Variants in CLEC18B observed in about 807,000 individuals in gnomAD.
The protein encoded by CLEC18B is C-type lectin domain family 18 member B.
A neutral mutation model predicts 60.4 loss-of-function variants in CLEC18B; 5 were observed. That is an observed-to-expected ratio of 0.08 (90% confidence interval 0.04 to 0.17). CLEC18B has a LOEUF of 0.17. Among genes scored for constraint, CLEC18B ranks in the 10% least tolerant of loss-of-function variants. CLEC18B has a pLI of 1.00. For synonymous variants in CLEC18B, 16 were observed against 221.2 expected, an observed-to-expected ratio of 0.07 and a Z score of 8.23; for missense variants, 26 against 572.8, an observed-to-expected ratio of 0.05 and a Z score of 9.74.
chr16:74,423,223 G>T (rs1347442797), upstream of CLEC18B, among the ~76,000 whole-genome samples: 2 of 150,364 alleles, frequency 1.3e-5, no homozygotes, highest in African/African-American at 4.9e-5. Flanking sequence ...CCACAGCTCT[G>T]CTATGCCGGG....
Position 74,421,366 on chromosome 16 carries a change from G to A in CLEC18B, c.-96C>T. On this transcript the variant is annotated 5_prime_UTR_variant, in exon 1 of 12. Transcript: ENST00000682950. ...ATGGAGCTATTCACAATCTCCAGGAGTCAGGCTGGGCTGGTGGACAAAAGA... is the reference window on the plus strand; with the variant it reads ...ATGGAGCTATTCACAATCTCCAGGAATCAGGCTGGGCTGGTGGACAAAAGA... 6.2e-7 allele frequency: 1 copy of A among 1,604,476 alleles called. No individual in the cohort carries two copies. Among genetic ancestry groups the A allele is most frequent in the Non-Finnish European group, 8.5e-7 (1 of 1,176,858 alleles).
rs533995991 is a variant in CLEC18B at position 74,413,939 on chromosome 16, C to T, written c.457-263G>A. On this transcript the variant is annotated intron_variant, in intron 3 of 11. Coordinates refer to ENST00000682950, the MANE Select transcript of CLEC18B (RefSeq NM_001385193.1). ...CCAGGCTGGAGTGCAATGGCCTGATCTTGGCTCACCACAACCTCTACCTCC... is the reference window on the plus strand; with the variant it reads ...CCAGGCTGGAGTGCAATGGCCTGATTTTGGCTCACCACAACCTCTACCTCC... Among the ~76,000 whole-genome samples, 5 of 152,418 alleles carry T rather than the reference C, an allele frequency of 3.3e-5. No homozygotes were observed. The East Asian group carries it at 9.6e-4, about 29-fold the overall frequency.
chr16:74,416,279 T>A (rs1336083126), intron 3 of CLEC18B, among the ~76,000 whole-genome samples: 1 of 142,842 alleles, frequency 7.0e-6, no homozygotes, highest in Non-Finnish European at 1.5e-5. Flanking sequence ...AAAAAAAAAA[T>A]TAAGGAGCCA....
Position 74,421,359 on chromosome 16 carries a change from T to C in CLEC18B, c.-89A>G. ...AGGCTGGATGGAGCTATTCACAATC[T>C]CCAGGAGTCAGGCTGGGCTGGTGGA... On this transcript the variant is annotated 5_prime_UTR_variant, in exon 1 of 12. Transcript: ENST00000682950. 21 of 1,604,426 alleles carry C rather than the reference T, an allele frequency of 1.3e-5. No homozygotes were observed. The South Asian group carries it at 2.3e-4, about 18-fold the overall frequency.
chr16:74,414,398 G>A (rs373886296), intron 3 of CLEC18B, among the ~76,000 whole-genome samples: 676 of 151,872 alleles, frequency 4.5e-3, no homozygotes, highest in East Asian at 7.0e-3. Flanking sequence ...CTTGCTCCTT[G>A]AATCTGGCTG....
chr16:74,413,191 G>A (rs764466127), intron 4 of CLEC18B, 33 bp from the exon 5 acceptor site: 8 of 1,612,072 alleles, frequency 5.0e-6, no homozygotes, highest in East Asian at 2.2e-5. Context: ...CAGGGTGTGG[G>A]AGGGCCTGGC....
intron 3 of CLEC18B, among the ~76,000 whole-genome samples, 177 bp downstream of exon 3, chr16:74,417,882 C>T (rs1430872973): frequency 1.3e-5 from 2 of 152,114 alleles, no homozygotes; most frequent in African/African-American, 2.4e-5. Context: ...CACGCCACTG[C>T]ACTCTAGCCT....
intron 1 of CLEC18B, among the ~76,000 whole-genome samples, chr16:74,420,931 C>A (rs1422764744): frequency 9.7e-6 from 1 of 103,320 alleles, no homozygotes; most frequent in Non-Finnish European, 2.1e-5. Context: ...CTCCTTGACC[C>A]CAGCCCTGGT....
chr16:74,418,592 G>A (rs1480660499), intron 2 of CLEC18B, among the ~76,000 whole-genome samples: 2 of 148,738 alleles, frequency 1.3e-5, no homozygotes, highest in African/African-American at 4.9e-5. Context: ...ATCTGGTCAT[G>A]TGAGCAGTGC....
At chr16:74,421,690 T>C (rs1274714731), upstream of CLEC18B, 1 of 344,838 alleles carries the variant, frequency 2.9e-6, no homozygotes, top group East Asian at 9.2e-5. Flanking sequence ...GCTGGGACAG[T>C]GTCCTCCGAG....
At chr16:74,413,543 C>T (rs1411901057) in intron 4 of CLEC18B, 36 bp downstream of exon 4, 1 of 1,614,066 alleles carries the variant, frequency 6.2e-7, no homozygotes, top group Non-Finnish European at 8.5e-7. Context: ...CTCCCTGTCT[C>T]CCAGACATCC....
upstream of CLEC18B, chr16:74,421,873 C>A (rs1166758614): frequency 7.1e-6 from 1 of 141,220 alleles, no homozygotes; most frequent in Non-Finnish European, 1.5e-5. Flanking sequence ...AACCGCACAC[C>A]AGAGGGGTGC....
upstream of CLEC18B, among the ~76,000 whole-genome samples, chr16:74,424,035 T>C (rs1420193901): frequency 1.3e-5 from 2 of 152,236 alleles, no homozygotes; most frequent in Non-Finnish European, 2.9e-5. Flanking sequence ...CAGGTGAGGC[T>C]ACTACAGGGT....
intron 10 of CLEC18B, among the ~76,000 whole-genome samples, chr16:74,410,288 G>A (rs1235253111): frequency 1.3e-5 from 2 of 152,300 alleles, no homozygotes; most frequent in African/African-American, 2.4e-5. Flanking sequence ...AGGGGACACT[G>A]GGGATGGACA....
At chr16:74,419,733 C>T (rs1307060435) in intron 2 of CLEC18B, among the ~76,000 whole-genome samples, 1 of 151,924 alleles carries the variant, frequency 6.6e-6, no homozygotes, top group African/African-American at 2.4e-5. Flanking sequence ...CCACCCCCAC[C>T]TCCTGGGAAA....
chr16:74,418,865 C>T (rs1461563965), intron 2 of CLEC18B, among the ~76,000 whole-genome samples: 49 of 149,444 alleles, frequency 3.3e-4, no homozygotes, highest in Admixed American at 1.1e-3. Flanking sequence ...GAAATCCCGG[C>T]TTACTGCAAC....
At chr16:74,424,218 T>C (rs546964874), upstream of CLEC18B, among the ~76,000 whole-genome samples, 396 of 150,100 alleles carry the variant, frequency 2.6e-3, 1 homozygote, top group Middle Eastern at 6.8e-3. Context: ...AAGCAGCTCC[T>C]TTCTTCAAAG....
At chr16:74,409,516 GA>G (rs1415191683) in intron 11 of CLEC18B, 33 bp downstream of exon 11, 3 of 1,525,134 alleles carry the variant, frequency 2.0e-6, no homozygotes, top group Non-Finnish European at 2.7e-6. Flanking sequence ...CAGGGTCAGG[GA>G]TCAGAGAAGG....
intron 8 of CLEC18B, 149 bp from the exon 9 acceptor site, chr16:74,411,183 AG>A: frequency 1.4e-6 from 2 of 1,439,270 alleles, no homozygotes. Flanking sequence ...TTCCAAGAGC[AG>A]GGGTCCCTTC....
Sources: gnomAD v4.1 joint callset for allele counts (sites outside exome capture counted in the v4.1 genomes callset) on GRCh38, gnomAD v4.1.1 for gene constraint, MANE v1.5 for transcripts, NCBI Gene and HGNC (gene_info 2026-07-23, HGNC 2026-07-21) for gene names.